CRPPA: variants seen among roughly 807,000 people sequenced by gnomAD.
The protein encoded by CRPPA is D-ribitol-5-phosphate cytidylyltransferase.
CRPPA carries 43 observed loss-of-function variants against 52.0 expected under a neutral mutation model. The observed-to-expected ratio is 0.83, with a 90% CI of 0.65 to 1.07. The LOEUF (loss-of-function observed/expected upper bound fraction) is 1.07. Among genes scored for constraint, CRPPA ranks in the 50% least tolerant of loss-of-function variants. CRPPA has a pLI of 0.00. For missense variants in CRPPA, 629 were observed against 551.7 expected, an observed-to-expected ratio of 1.14 and a Z score of -1.40; for synonymous variants, 250 against 203.5, an observed-to-expected ratio of 1.23 and a Z score of -1.94.
intron 1 of CRPPA, among the ~76,000 whole-genome samples, chr7:16,414,005 TC>T (rs1788130168): frequency 6.6e-6 from 1 of 152,120 alleles, no homozygotes; most frequent in African/African-American, 2.4e-5. Context: ...CACACAACTA[TC>T]ATAAGGTCTA....
chr7:16,303,721 T>C (rs980293686), intron 4 of CRPPA, among the ~76,000 whole-genome samples: 2 of 152,164 alleles, frequency 1.3e-5, no homozygotes, highest in African/African-American at 2.4e-5. Flanking sequence ...TGGATAACTA[T>C]ATAAAAATAT....
intron 3 of CRPPA, among the ~76,000 whole-genome samples, chr7:16,312,788 G>T (rs550777568): frequency 7.4e-4 from 112 of 151,934 alleles, no homozygotes; most frequent in Non-Finnish European, 1.3e-3. Flanking sequence ...TATCATAAAT[G>T]AGTGTTGTAT....
At chr7:16,173,704 T>A (rs1412058191) in intron 9 of CRPPA, among the ~76,000 whole-genome samples, 1 of 152,118 alleles carries the variant, frequency 6.6e-6, no homozygotes, top group Non-Finnish European at 1.5e-5. Flanking sequence ...TAGGAATTAG[T>A]TAACAAAGTA....
At chr7:16,150,196 T>C (rs1783050212) in intron 9 of CRPPA, among the ~76,000 whole-genome samples, 1 of 152,170 alleles carries the variant, frequency 6.6e-6, no homozygotes, top group Non-Finnish European at 1.5e-5. Flanking sequence ...GCCTTTGTAA[T>C]AATGTTAGAT....
intron 9 of CRPPA, among the ~76,000 whole-genome samples, chr7:16,123,894 T>A (rs969801266): frequency 4.6e-5 from 7 of 152,188 alleles, no homozygotes; most frequent in African/African-American, 1.4e-4. Flanking sequence ...TCATCCTATT[T>A]CTTAATTGCT....
At chr7:16,127,101 A>G (rs1394344964) in intron 9 of CRPPA, among the ~76,000 whole-genome samples, 2 of 152,210 alleles carry the variant, frequency 1.3e-5, no homozygotes, top group African/African-American at 4.8e-5. Context: ...ATTCACATAT[A>G]AAAATCAATC....
chr7:16,341,206 G>C (rs1785818992), intron 3 of CRPPA, among the ~76,000 whole-genome samples: 1 of 151,860 alleles, frequency 6.6e-6, no homozygotes, highest in Non-Finnish European at 1.5e-5. Flanking sequence ...TTGAAACATA[G>C]AACACCAAGA....
At chr7:16,389,923 AAAAAAATATATATATAT>A (rs1394362944) in intron 2 of CRPPA, among the ~76,000 whole-genome samples, 5 of 81,072 alleles carry the variant, frequency 6.2e-5, no homozygotes, top group African/African-American at 1.6e-4. Flanking sequence ...CAAAAAAAAA[AAAAAAATATATATATAT>A]ATATATATAT....
intron 9 of CRPPA, among the ~76,000 whole-genome samples, chr7:16,121,773 C>T (rs1487755449): frequency 2.0e-5 from 3 of 151,980 alleles, no homozygotes; most frequent in African/African-American, 7.2e-5. Context: ...CAGGGAAAAA[C>T]AAATACCAGA....
intron 9 of CRPPA, among the ~76,000 whole-genome samples, chr7:16,183,609 T>C (rs1403312669): frequency 5.3e-5 from 8 of 152,180 alleles, no homozygotes; most frequent in Admixed American, 5.2e-4. Flanking sequence ...TTTAGAGTCC[T>C]TCTAGACTCT....
At chr7:16,284,689 T>C (rs1049476324) in intron 5 of CRPPA, among the ~76,000 whole-genome samples, 1 of 152,148 alleles carries the variant, frequency 6.6e-6, no homozygotes, top group African/African-American at 2.4e-5. Context: ...TGATTTGCTT[T>C]AAAACAGATG....
chr7:16,315,604 A>G (rs1785128193), intron 3 of CRPPA, among the ~76,000 whole-genome samples: 1 of 152,098 alleles, frequency 6.6e-6, no homozygotes, highest in Non-Finnish European at 1.5e-5. Flanking sequence ...TTAAGAGCAG[A>G]ATGCTCTAGC....
chr7:16,421,215 G>A lies in CRPPA; in HGVS notation c.108C>T (p.Ala36=), dbSNP rs1319812253. The A allele has an allele frequency of 5.2e-6, 7 of 1,343,236 alleles. No individual in the cohort carries two copies. Among genetic ancestry groups the A allele is most frequent in the Non-Finnish European group, 5.8e-6 (6 of 1,040,496 alleles). The allele number at this position is 1,343,236 out of a possible 1,614,324, so 83.2% of individuals were successfully genotyped here. Residue 36 remains alanine (A), a synonymous_variant, in exon 1 of 10, where the codon GCC becomes GCT. Coordinates refer to ENST00000407010, the MANE Select transcript of CRPPA (RefSeq NM_001101426.4). ...GCGGGTGGCGCCCGGGCTCGGTCCC[G>A]GCCACGCTCTGCAGGGAGGCGGAAG... ...HTASASLQSV[A]GTEPGRHPQA...
At chr7:16,312,993 G>A (rs761466718) in intron 3 of CRPPA, among the ~76,000 whole-genome samples, 22 of 152,024 alleles carry the variant, frequency 1.4e-4, no homozygotes, top group Middle Eastern at 3.4e-3. Context: ...TAAGGACCAT[G>A]ACATCTCTAC....
At chr7:16,171,190 T>C (rs1781177941) in intron 9 of CRPPA, among the ~76,000 whole-genome samples, 1 of 152,252 alleles carries the variant, frequency 6.6e-6, no homozygotes, top group Admixed American at 6.5e-5. Flanking sequence ...TTTTTAAATC[T>C]CTTAGTAGAA....
At chr7:16,181,581 A>G (rs17169319) in intron 9 of CRPPA, among the ~76,000 whole-genome samples, 3,313 of 152,118 alleles carry the variant, frequency 0.022, 126 homozygotes, top group African/African-American at 0.075. Flanking sequence ...ATGACATGAA[A>G]TTGATTATTT....
At chr7:16,399,800 GTGAC>G (rs1378471285) in intron 2 of CRPPA, among the ~76,000 whole-genome samples, 3 of 152,226 alleles carry the variant, frequency 2.0e-5, no homozygotes, top group African/African-American at 7.2e-5. Context: ...TGACCAACAC[GTGAC>G]TGACACTTGA....
At chr7:16,315,168 G>A (rs1039047338) in intron 3 of CRPPA, among the ~76,000 whole-genome samples, 19 of 152,076 alleles carry the variant, frequency 1.2e-4, no homozygotes, top group Non-Finnish European at 2.2e-4. Flanking sequence ...GGCATCAAAG[G>A]GATTCTTCAT....
chr7:16,344,254 C>G (rs1044208762), intron 3 of CRPPA, among the ~76,000 whole-genome samples: 9 of 151,800 alleles, frequency 5.9e-5, no homozygotes, highest in Non-Finnish European at 1.3e-4. Flanking sequence ...CTGCAGAAAC[C>G]TAGAATTTTG....
Sources: allele counts gnomAD v4.1 joint callset (sites outside exome capture counted in the v4.1 genomes callset), GRCh38; gene constraint gnomAD v4.1.1; transcripts MANE v1.5; gene names NCBI Gene and HGNC (gene_info 2026-07-23, HGNC 2026-07-21).